Variants in TASP1 observed in about 807,000 individuals in gnomAD.
TASP1 encodes taspase 1, also known as threonine aspartase 1.
A neutral mutation model predicts 56.6 loss-of-function variants in TASP1; 16 were observed. The observed-to-expected ratio is 0.28, with a 90% confidence interval of 0.19 to 0.43. TASP1 has a LOEUF of 0.43. Among genes scored for constraint, TASP1 ranks in the 20% least tolerant of loss-of-function variants. The probability of loss-of-function intolerance (pLI) is 1.00; values close to 1 mark genes in which losing one functional copy is unlikely to be tolerated. For synonymous variants in TASP1, 179 were observed against 184.2 expected, an observed-to-expected ratio of 0.97 and a Z score of 0.23; for missense variants, 393 against 511.6, an observed-to-expected ratio of 0.77 and a Z score of 2.24.
At chr20:13,549,423 G>GGTGT (rs138769695) in intron 8 of TASP1, among the ~76,000 whole-genome samples, 2 of 150,850 alleles carry the variant, frequency 1.3e-5, no homozygotes, top group Non-Finnish European at 3.0e-5. Context: ...ACTTGTAATA[G>GGTGT]GTGTGTGTGT....
chr20:13,151,816 C>G, the TASP1 span, among the ~76,000 whole-genome samples: 1 of 152,112 alleles, frequency 6.6e-6, no homozygotes, highest in East Asian at 1.9e-4. Context: ...TTGTCTACAC[C>G]TGGTTCACCT....
the TASP1 span, among the ~76,000 whole-genome samples, chr20:13,306,500 TTTTG>T: frequency 2.5e-4 from 38 of 151,406 alleles, no homozygotes; most frequent in East Asian, 6.2e-3. Flanking sequence ...TGGTGGTGTT[TTTTG>T]TTTGTTTGTT....
At position 13,451,647 on chromosome 20, in the gene TASP1, C is replaced by A. The variant is rs74816058; in HGVS notation, c.986-16493G>T. 4.9e-3 allele frequency among the ~76,000 whole-genome samples: 749 copies of A among 152,194 alleles called. 4 individuals carry two copies. The highest frequency in any genetic ancestry group is 0.015 in the African/African-American group (608 of 41,540). ...AATTAAAGAGAGTTAGGATCTTGCT[C>A]TGGATTGGGATCCTTAACACTGAGT... On this transcript the variant is annotated intron_variant, in intron 11 of 13. Transcript: ENST00000337743.
chr20:13,412,658 G>T (rs1178097217), intron 13 of TASP1, among the ~76,000 whole-genome samples: 1 of 152,044 alleles, frequency 6.6e-6, no homozygotes, highest in Non-Finnish European at 1.5e-5. Flanking sequence ...TCTCATCTCT[G>T]CTATCCTTTG....
intron 4 of TASP1, among the ~76,000 whole-genome samples, chr20:13,612,075 A>T (rs2048363611): frequency 6.6e-6 from 1 of 152,162 alleles, no homozygotes; most frequent in South Asian, 2.1e-4. Context: ...CTTTGACACA[A>T]ATGACAGTCC....
the TASP1 span, among the ~76,000 whole-genome samples, chr20:13,326,425 C>T: frequency 1.3e-5 from 2 of 152,014 alleles, no homozygotes; most frequent in Non-Finnish European, 1.5e-5. Context: ...TGTATATATT[C>T]GATTTTTCAG....
chr20:13,510,023 CA>C (rs1356091736), intron 10 of TASP1, among the ~76,000 whole-genome samples: 1 of 152,064 alleles, frequency 6.6e-6, no homozygotes, highest in Non-Finnish European at 1.5e-5. Flanking sequence ...ATCTGTACAC[CA>C]AACCCCTGCA....
chr20:13,140,790 A>AG, the TASP1 span, among the ~76,000 whole-genome samples: 3 of 152,240 alleles, frequency 2.0e-5, no homozygotes, highest in Non-Finnish European at 2.9e-5. Flanking sequence ...GAAAAGATAA[A>AG]GGAAAAAAGA....
At chr20:13,374,323 G>C in the TASP1 span, among the ~76,000 whole-genome samples, 12 of 151,252 alleles carry the variant, frequency 7.9e-5, no homozygotes, top group African/African-American at 2.9e-4. Flanking sequence ...ACAAGTCACT[G>C]TTCCTGTTTC....
chr20:13,542,814 T>A (rs2045671454), intron 8 of TASP1, among the ~76,000 whole-genome samples: 1 of 151,982 alleles, frequency 6.6e-6, no homozygotes, highest in Admixed American at 6.6e-5. Context: ...ACTTGTGGGA[T>A]ACAGTAAAAG....
chr20:13,130,527 C>T, the TASP1 span, among the ~76,000 whole-genome samples: 3 of 152,214 alleles, frequency 2.0e-5, no homozygotes, highest in Non-Finnish European at 4.4e-5. Flanking sequence ...CCTTTGATGC[C>T]AAGGTTCAAA....
At chr20:13,386,565 T>A (rs1475486931), downstream of TASP1, among the ~76,000 whole-genome samples, 1 of 152,192 alleles carries the variant, frequency 6.6e-6, no homozygotes, top group African/African-American at 2.4e-5. Context: ...AAATCTTCTC[T>A]TCTTCATTCC....
the TASP1 span, among the ~76,000 whole-genome samples, chr20:13,148,794 G>A: frequency 2.6e-5 from 4 of 152,210 alleles, no homozygotes; most frequent in African/African-American, 4.8e-5. Flanking sequence ...GGTGCAGCCT[G>A]GACATAAGGT....
At chr20:13,270,300 A>G in the TASP1 span, among the ~76,000 whole-genome samples, 6 of 152,262 alleles carry the variant, frequency 3.9e-5, no homozygotes, top group African/African-American at 1.4e-4. Context: ...ATTCCCAAGT[A>G]GCAGGCTAGA....
intron 13 of TASP1, among the ~76,000 whole-genome samples, chr20:13,414,493 A>G (rs1217962617): frequency 6.6e-6 from 1 of 152,190 alleles, no homozygotes. Context: ...CTCCTCCTCA[A>G]GGAAATTTTT....
the TASP1 span, among the ~76,000 whole-genome samples, chr20:13,177,111 C>T: frequency 6.6e-6 from 1 of 151,984 alleles, no homozygotes; most frequent in Non-Finnish European, 1.5e-5. Flanking sequence ...CATGGTGGCA[C>T]ACACCTGTAA....
intron 8 of TASP1, among the ~76,000 whole-genome samples, chr20:13,556,173 C>G (rs531100116): frequency 6.6e-6 from 1 of 152,284 alleles, no homozygotes; most frequent in South Asian, 2.1e-4. Context: ...AGCTAAAACC[C>G]TTAAATCCTC....
the TASP1 span, among the ~76,000 whole-genome samples, chr20:13,335,214 G>A: frequency 6.6e-6 from 1 of 151,970 alleles, no homozygotes; most frequent in Non-Finnish European, 1.5e-5. Flanking sequence ...ATGTATTTGG[G>A]GAGCATGACC....
At chr20:13,524,870 T>G (rs1399512460) in intron 10 of TASP1, among the ~76,000 whole-genome samples, 1 of 152,008 alleles carries the variant, frequency 6.6e-6, no homozygotes, top group Admixed American at 6.6e-5. Context: ...ATGTGTTGAG[T>G]TAAACTGTTG....
Sources: allele counts gnomAD v4.1 joint callset (sites outside exome capture counted in the v4.1 genomes callset), GRCh38; gene constraint gnomAD v4.1.1; transcripts MANE v1.5; gene names NCBI Gene and HGNC (gene_info 2026-07-23, HGNC 2026-07-21).